The following ATP6V0C variants were observed in gnomAD, a reference collection of about 807,000 sequenced individuals.
ATP6V0C encodes V-type proton ATPase 16 kDa proteolipid subunit c.
Under a neutral mutation model 10.6 loss-of-function variants are expected in ATP6V0C, and 2 were observed. That is an observed-to-expected ratio of 0.19 (90% CI 0.08 to 0.59). The LOEUF is 0.59. Ranked by LOEUF, ATP6V0C falls within the 20% of genes least tolerant of loss-of-function variation. The pLI, the probability that ATP6V0C is intolerant of heterozygous loss-of-function variation, is 0.90. For synonymous variants in ATP6V0C, 128 were observed against 101.3 expected (o/e 1.26, Z -1.59); for missense variants, 89 against 225.9 (o/e 0.39, Z 3.88).
chr16:2,516,876 T>C (rs1458604068), intron 1 of ATP6V0C: 1 of 152,366 alleles, frequency 6.6e-6, no homozygotes, highest in Admixed American at 6.5e-5. Flanking sequence ...GCCTCCGGAC[T>C]GGAGTCCAGG....
At chr16:2,516,097 C>CTT (rs11367350) in intron 1 of ATP6V0C, among the ~76,000 whole-genome samples, 55 of 124,992 alleles carry the variant, frequency 4.4e-4, no homozygotes, top group Middle Eastern at 4.2e-3. Flanking sequence ...CAGACAACTG[C>CTT]TTTTTTTTTT....
Position 2,519,616 on chromosome 16 carries a change from G to C in ATP6V0C, c.339G>C (p.Val113=). ...CAGCCGGCTTTGCCATCGGCATCGT[G>C]GGGGACGCTGGCGTGCGGGGCACCG... ...GLAAGFAIGI[V]GDAGVRGTAQ... Residue 113 remains valine (V), a synonymous_variant, in exon 3 of 3, where the codon GTG becomes GTC. Transcript: ENST00000330398. 1.3e-6 allele frequency: 2 copies of C among 1,599,342 alleles called. No individual in the cohort carries two copies. The highest frequency in any genetic ancestry group is 2.2e-5 in the East Asian group (1 of 44,488).
In ATP6V0C at chr16:2,514,033, C is replaced by G. The variant is rs943070298; in HGVS notation, c.-71C>G. 1 of 1,428,036 alleles carries G rather than the reference C, an allele frequency of 7.0e-7. No individual in the cohort carries two copies. The highest frequency in any genetic ancestry group is 1.5e-5 in the African/African-American group (1 of 67,446). 88.5% of individuals were successfully genotyped at this position (1,428,036 alleles called of 1,614,324 possible). On this transcript the variant is annotated 5_prime_UTR_variant, in exon 1 of 3. Coordinates refer to ENST00000330398, the MANE Select transcript of ATP6V0C (RefSeq NM_001694.4). ...GCCGCCCGCCCGCAAACCTTCGTGC[C>G]CGGCCCGTCCTCGCCCCCGCCTCCG... is the stretch of plus-strand genomic sequence containing the variant.
At chr16:2,514,215 G>C in intron 1 of ATP6V0C, 33 bp downstream of exon 1, 1 of 1,522,768 alleles carries the variant, frequency 6.6e-7, no homozygotes, top group Non-Finnish European at 8.8e-7. Flanking sequence ...CTCGGGGGCG[G>C]GGGCGCGCGC....
rs146121658 is a variant in ATP6V0C, at chr16:2,519,426, C to T, written c.263+25C>T. 9.7e-5 allele frequency: 155 copies of T among 1,600,130 alleles called. 2 individuals are homozygous for T. The African/African-American group carries it at 1.6e-3, about 16-fold the overall frequency. ...AGTGAGCACTGGGGTCAGGCCCCTG[C>T]CCAGGGCTGGAGGACTGCAGGGAGG... On this transcript the variant is annotated intron_variant, in intron 2 of 2. Coordinates refer to ENST00000330398, the MANE Select transcript of ATP6V0C (RefSeq NM_001694.4).
In ATP6V0C at chr16:2,519,841, C is replaced by T. The variant is rs562564728; in HGVS notation, c.*96C>T. 58 of 1,485,502 alleles carry T rather than the reference C, an allele frequency of 3.9e-5. No individual in the cohort carries two copies. The Admixed American group carries it at 1.0e-3, about 26-fold the overall frequency. 92.0% of individuals were successfully genotyped at this position (1,485,502 alleles called of 1,614,324 possible). ...CTGACACATACGCACGGGGCCGCCG[C>T]CCCCAGTAGTTGGTCTTGTACATGC... On this transcript the variant is annotated 3_prime_UTR_variant, in exon 3 of 3. Coordinates refer to ENST00000330398, the MANE Select transcript of ATP6V0C (RefSeq NM_001694.4).
chr16:2,517,873 C>G (rs1299252827), intron 1 of ATP6V0C: 1 of 152,210 alleles, frequency 6.6e-6, no homozygotes, highest in Non-Finnish European at 1.5e-5. Flanking sequence ...TCAGGCGATT[C>G]TCCTGCCTCA....
At chr16:2,514,400 G>A (rs2065866379) in intron 1 of ATP6V0C, 2 of 297,966 alleles carry the variant, frequency 6.7e-6, no homozygotes, top group Non-Finnish European at 1.2e-5. Context: ...GCCGGGGTGT[G>A]AGTCTCGGGG....
intron 1 of ATP6V0C, 39 bp from the exon 2 acceptor site, chr16:2,519,178 CT>C (rs2065894468): frequency 2.6e-6 from 4 of 1,566,162 alleles, no homozygotes; most frequent in Non-Finnish European, 2.6e-6. Context: ...CTCAACTGGC[CT>C]GCGTACTGCT....
chr16:2,517,472 C>G (rs866882734), intron 1 of ATP6V0C: 6 of 152,570 alleles, frequency 3.9e-5, no homozygotes, highest in African/African-American at 1.4e-4. Flanking sequence ...CTCCTCTCTC[C>G]CGCCAACTTG....
chr16:2,513,947 A>C, upstream of ATP6V0C: 157 of 576,160 alleles, frequency 2.7e-4, no homozygotes, highest in East Asian at 6.6e-4. Flanking sequence ...CGCGGCCGCC[A>C]TTTTGTTCTG....
chr16:2,519,047 G>A (rs1199880935), intron 1 of ATP6V0C, 171 bp from the exon 2 acceptor site: 4 of 695,250 alleles, frequency 5.8e-6, no homozygotes, highest in Admixed American at 6.7e-5. Context: ...TTGCTTGCCC[G>A]TGGCTGTTCC....
chr16:2,519,398 A>T lies in ATP6V0C; in HGVS notation c.260A>T (p.Tyr87Phe). The change falls in exon 2 of 3, where the codon TAC (tyrosine) becomes TTC (phenylalanine). Residue 87 changes from tyrosine to phenylalanine, a missense_variant. Tyr to Phe is a conservative substitution (Grantham distance 22). Around this residue, in one of 4 missense-constraint regions of ATP6V0C, gnomAD observed 20 missense variants for 20.5 expected, o/e 0.98. Transcript: ENST00000330398. ...TCCCTGAATGACGACATCAGCCTCT[A>T]CAAGTGAGCACTGGGGTCAGGCCCC... ...ANSLNDDISL[Y>F]KSFLQLGAGL... The T allele has an allele frequency of 1.2e-6, 2 of 1,612,388 alleles. No homozygotes were observed. Among genetic ancestry groups the T allele is most frequent in the Non-Finnish European group, 1.7e-6 (2 of 1,178,800 alleles).
At chr16:2,516,850 A>G (rs2065879662) in intron 1 of ATP6V0C, 1 of 152,252 alleles carries the variant, frequency 6.6e-6, no homozygotes, top group East Asian at 1.9e-4. Context: ...TGCCTTCTGC[A>G]GTCTGGTCAG....
Position 2,519,974 on chromosome 16 carries a change from C to T in ATP6V0C, c.*229C>T, listed in dbSNP as rs1457075496. ...CCCCTCCAGGCCCCCGGCGCCCCAC[C>T]CCCTAGAGTGCTCTGTGTATGCGGA... On this transcript the variant is annotated 3_prime_UTR_variant, in exon 3 of 3. Coordinates refer to ENST00000330398, the MANE Select transcript of ATP6V0C (RefSeq NM_001694.4). The T allele has an allele frequency of 1.4e-6, 1 of 706,590 alleles. No homozygotes were observed. The highest frequency in any genetic ancestry group is 2.6e-6 in the Non-Finnish European group (1 of 391,416). 43.8% of individuals were successfully genotyped at this position (706,590 alleles called of 1,614,324 possible).
At chr16:2,518,503 T>C (rs2065888479) in intron 1 of ATP6V0C, among the ~76,000 whole-genome samples, 1 of 152,202 alleles carries the variant, frequency 6.6e-6, no homozygotes, top group Non-Finnish European at 1.5e-5. Flanking sequence ...ATGATCCCCG[T>C]CGTCTTCTCT....
rs1436749305 is a variant in ATP6V0C at position 2,519,529 on chromosome 16, T to A, written c.264-12T>A. 1.9e-6 allele frequency: 3 copies of A among 1,544,212 alleles called. No homozygotes were observed. The Admixed American group carries it at 5.7e-5, about 29-fold the overall frequency. ...CAGGCTGCTGATGTCAGTCCTCTCT[T>A]CTCGCCCCCAGGAGCTTCCTCCAGC... On this transcript the variant is annotated splice_polypyrimidine_tract_variant and intron_variant, in intron 2 of 2. Transcript: ENST00000330398.
rs983850214 is a variant in ATP6V0C, at chr16:2,520,180, C to T, written c.*435C>T. 5.2e-5 allele frequency: 27 copies of T among 523,240 alleles called. No individual in the cohort carries two copies. In the East Asian group the frequency reaches 9.3e-4, roughly 18 times the overall value. The allele number at this position is 523,240 out of a possible 1,614,324, so 32.4% of individuals were successfully genotyped here. A position where few individuals can be genotyped will look rare whatever the true frequency, so the allele number is the denominator to read the frequency against. On this transcript the variant is annotated 3_prime_UTR_variant, in exon 3 of 3. Coordinates refer to ENST00000330398, the MANE Select transcript of ATP6V0C (RefSeq NM_001694.4). ...CCGCCCTCACCGCCGGGCCCGTGGC[C>T]CTGCGCGGAGCTGTGTCCAATAAAG...
In ATP6V0C at chr16:2,520,109, G is replaced by C. The variant is rs1467976751; in HGVS notation, c.*364G>C. The C allele has an allele frequency of 1.7e-6, 1 of 589,908 alleles. No individual in the cohort carries two copies. Among genetic ancestry groups the C allele is most frequent in the Non-Finnish European group, 3.2e-6 (1 of 314,182 alleles). The allele number at this position is 589,908 out of a possible 1,614,324, so 36.5% of individuals were successfully genotyped here. On this transcript the variant is annotated 3_prime_UTR_variant, in exon 3 of 3. Transcript: ENST00000330398. Reference sequence around the variant, plus strand: ...TCCCAGCTATCTATAACCTTAGCTAGAGTGTCGCCTTGTGGGTTCCTGTTG... The same window carrying C: ...TCCCAGCTATCTATAACCTTAGCTACAGTGTCGCCTTGTGGGTTCCTGTTG...
Sources: gnomAD v4.1 joint callset for allele counts (sites outside exome capture counted in the v4.1 genomes callset) on GRCh38, gnomAD v4.1.1 for gene constraint, gnomAD v4.1.1 regional missense constraint, MANE v1.5 for transcripts, NCBI Gene and HGNC (gene_info 2026-07-23, HGNC 2026-07-21) for gene names.